The following GPC5 variants were observed in gnomAD, a reference collection of about 807,000 sequenced individuals.
GPC5 encodes the protein glypican-5.
In GPC5, 47 loss-of-function variants were observed where a neutral mutation model predicts 53.9. The observed-to-expected ratio is 0.87, with a 90% CI of 0.69 to 1.11. The LOEUF is 1.11. Ranked by LOEUF, GPC5 falls within the 50% of genes most tolerant of loss-of-function variation. The pLI is 0.00. For missense variants in GPC5, 748 were observed against 713.1 expected (o/e 1.05, Z -0.56); for synonymous variants, 286 against 263.3 (o/e 1.09, Z -0.84).
At chr13:92,130,259 A>T (rs2138960571) in intron 6 of GPC5, among the ~76,000 whole-genome samples, 1 of 152,186 alleles carries the variant, frequency 6.6e-6, no homozygotes. Context: ...AACTACAGAA[A>T]TACTAAGGAA....
intron 7 of GPC5, among the ~76,000 whole-genome samples, chr13:92,800,624 T>G (rs981320074): frequency 3.3e-5 from 5 of 151,738 alleles, no homozygotes; most frequent in African/African-American, 1.2e-4. Context: ...AGAAAAGAAA[T>G]AGATACAGCA....
chr13:92,737,039 A>G lies in GPC5; in HGVS notation c.1562-129243A>G, dbSNP rs953921501. ...TAAGGTTCTAATTAATTGGAGATGA[A>G]ATCAGTTACTTTCTCCTCTACTTCC... is the stretch of plus-strand genomic sequence containing the variant. On this transcript the variant is annotated intron_variant, in intron 7 of 7. Coordinates refer to ENST00000377067, the MANE Select transcript of GPC5 (RefSeq NM_004466.6). 2.2e-4 allele frequency among the ~76,000 whole-genome samples: 33 copies of G among 152,050 alleles called. No homozygotes were observed. In the East Asian group the frequency reaches 6.2e-3, roughly 29 times the overall value.
intron 5 of GPC5, among the ~76,000 whole-genome samples, chr13:91,843,016 G>A (rs1376025271): frequency 1.3e-5 from 2 of 152,000 alleles, no homozygotes; most frequent in Non-Finnish European, 2.9e-5. Flanking sequence ...TAGCATCTAA[G>A]TGTCTCCTTT....
chr13:92,049,472 A>G (rs1248876958), intron 6 of GPC5, among the ~76,000 whole-genome samples: 4 of 152,084 alleles, frequency 2.6e-5, no homozygotes, highest in Non-Finnish European at 5.9e-5. Context: ...AGCTCCAGAT[A>G]AAAAGACACC....
chr13:92,192,003 G>T (rs115690898), intron 7 of GPC5, among the ~76,000 whole-genome samples: 1 of 152,276 alleles, frequency 6.6e-6, no homozygotes, highest in South Asian at 2.1e-4. Flanking sequence ...TTGTAAATTA[G>T]GGACTGTCTG....
At chr13:91,440,055 C>G (rs1880305416) in intron 1 of GPC5, among the ~76,000 whole-genome samples, 1 of 152,018 alleles carries the variant, frequency 6.6e-6, no homozygotes, top group Non-Finnish European at 1.5e-5. Context: ...CTATAGTGTT[C>G]TTAGACATGA....
At chr13:92,701,501 C>G (rs1408178538) in intron 7 of GPC5, 1 of 152,070 alleles carries the variant, frequency 6.6e-6, no homozygotes, top group Non-Finnish European at 1.5e-5. Flanking sequence ...TGAAATGATG[C>G]TGAATCTTGA....
At chr13:92,071,500 A>G (rs2041210980) in intron 6 of GPC5, among the ~76,000 whole-genome samples, 1 of 152,096 alleles carries the variant, frequency 6.6e-6, no homozygotes, top group Non-Finnish European at 1.5e-5. Flanking sequence ...TTTGTTCCAA[A>G]TAGTTAACCA....
chr13:91,413,554 G>A (rs1877968683), intron 1 of GPC5, among the ~76,000 whole-genome samples: 1 of 152,190 alleles, frequency 6.6e-6, no homozygotes, highest in East Asian at 1.9e-4. Flanking sequence ...AGATTTAATA[G>A]TTACCCTGTG....
At chr13:92,137,088 G>A (rs1359210865) in intron 6 of GPC5, among the ~76,000 whole-genome samples, 19 of 151,830 alleles carry the variant, frequency 1.3e-4, no homozygotes, top group Non-Finnish European at 2.9e-5. Flanking sequence ...TCCTCACTTT[G>A]TTGGTTTCTC....
At chr13:92,557,170 G>A (rs902905261) in intron 7 of GPC5, among the ~76,000 whole-genome samples, 1 of 151,768 alleles carries the variant, frequency 6.6e-6, no homozygotes, top group African/African-American at 2.4e-5. Flanking sequence ...GATGGACCGA[G>A]TCTGTCTTTT....
At chr13:91,820,755 A>G (rs2038479865) in intron 5 of GPC5, among the ~76,000 whole-genome samples, 1 of 152,108 alleles carries the variant, frequency 6.6e-6, no homozygotes, top group Non-Finnish European at 1.5e-5. Flanking sequence ...CGAGGTCAGG[A>G]GATCGAGACC....
At chr13:91,459,535 G>T (rs1052321780) in intron 2 of GPC5, among the ~76,000 whole-genome samples, 7 of 119,442 alleles carry the variant, frequency 5.9e-5, no homozygotes, top group Non-Finnish European at 1.2e-4. Flanking sequence ...AGTGATGTAG[G>T]TGCCTGGAGG....
chr13:91,972,268 A>G (rs1004533035), intron 6 of GPC5, among the ~76,000 whole-genome samples: 4 of 152,108 alleles, frequency 2.6e-5, no homozygotes, highest in African/African-American at 7.2e-5. Flanking sequence ...AGTCTGTTTT[A>G]TCAGAGACTA....
At chr13:91,993,616 G>A (rs775900689) in intron 6 of GPC5, among the ~76,000 whole-genome samples, 15 of 152,008 alleles carry the variant, frequency 9.9e-5, no homozygotes, top group Non-Finnish European at 2.1e-4. Context: ...GTGTGTGCAC[G>A]CACTCACACA....
chr13:91,940,843 TTTG>T (rs796753922), intron 6 of GPC5, among the ~76,000 whole-genome samples: 44 of 152,276 alleles, frequency 2.9e-4, no homozygotes, highest in African/African-American at 1.0e-3. Flanking sequence ...AATGGGGTTA[TTTG>T]TTTTTTGCTT....
chr13:92,694,818 G>C (rs933636231), intron 7 of GPC5, among the ~76,000 whole-genome samples: 4 of 152,136 alleles, frequency 2.6e-5, no homozygotes, highest in Admixed American at 6.6e-5. Flanking sequence ...ATTTCAGAGG[G>C]GGGCATGGGC....
chr13:91,433,686 C>T (rs1879676911), intron 1 of GPC5, among the ~76,000 whole-genome samples: 1 of 152,078 alleles, frequency 6.6e-6, no homozygotes, highest in South Asian at 2.1e-4. Context: ...TTTATAGCAG[C>T]ATGATTTATA....
At chr13:91,489,351 CT>C (rs1384240061) in intron 2 of GPC5, among the ~76,000 whole-genome samples, 1 of 152,152 alleles carries the variant, frequency 6.6e-6, no homozygotes, top group African/African-American at 2.4e-5. Flanking sequence ...TAAAATTTCT[CT>C]CTTTTGTACT....
Sources: allele counts gnomAD v4.1 joint callset (sites outside exome capture counted in the v4.1 genomes callset), GRCh38; gene constraint gnomAD v4.1.1; transcripts MANE v1.5; gene names NCBI Gene and HGNC (gene_info 2026-07-23, HGNC 2026-07-21).